Variants in TDRD1 observed in about 807,000 individuals in gnomAD.
The protein encoded by TDRD1 is tudor domain-containing protein 1.
A neutral mutation model predicts 140.6 loss-of-function variants in TDRD1; 37 were observed. That is an observed-to-expected ratio of 0.26 (90% confidence interval 0.20 to 0.35). The LOEUF (loss-of-function observed/expected upper bound fraction) is 0.35. Among genes scored for constraint, TDRD1 ranks in the 10% least tolerant of loss-of-function variants. TDRD1 has a pLI of 1.00. For synonymous variants in TDRD1, 506 were observed against 475.7 expected (o/e 1.06, Z -0.83); for missense variants, 1,243 against 1,393.0 (o/e 0.89, Z 1.71).
At chr10:114,184,176 T>TC (rs1248227668) in intron 1 of TDRD1, among the ~76,000 whole-genome samples, 3 of 152,116 alleles carry the variant, frequency 2.0e-5, no homozygotes, top group Non-Finnish European at 2.9e-5. Context: ...TTGAATTTTT[T>TC]TTTTTTTTAC....
intron 21 of TDRD1, among the ~76,000 whole-genome samples, chr10:114,224,258 T>C (rs1297506010): frequency 6.6e-6 from 1 of 152,214 alleles, no homozygotes; most frequent in Non-Finnish European, 1.5e-5. Context: ...TTTTATTGTG[T>C]TTTAGCTATT....
At chr10:114,225,308 ACT>A (rs2036370543) in intron 21 of TDRD1, among the ~76,000 whole-genome samples, 1 of 152,046 alleles carries the variant, frequency 6.6e-6, no homozygotes, top group South Asian at 2.1e-4. Flanking sequence ...TTTGCAAGTA[ACT>A]CTGCTTCCTT....
intron 6 of TDRD1, among the ~76,000 whole-genome samples, chr10:114,202,674 C>T (rs538090427): frequency 5.3e-5 from 8 of 152,282 alleles, no homozygotes; most frequent in South Asian, 4.1e-4. Context: ...AAACATCCGT[C>T]GTGTCCAACT....
intron 22 of TDRD1, 37 bp from the exon 23 acceptor site, chr10:114,227,033 TAA>T: frequency 9.5e-7 from 1 of 1,054,764 alleles, no homozygotes; most frequent in Non-Finnish European, 1.4e-6. Context: ...TCTGTCTTTT[TAA>T]AAGGGACTAA....
chr10:114,182,036 A>G (rs1336201772), intron 1 of TDRD1, among the ~76,000 whole-genome samples: 2 of 152,178 alleles, frequency 1.3e-5, no homozygotes, highest in Non-Finnish European at 2.9e-5. Flanking sequence ...TTTTATCTGG[A>G]TTCACAGTAG....
At chr10:114,226,287 C>CT in intron 22 of TDRD1, 71 bp downstream of exon 22, 1 of 1,108,326 alleles carries the variant, frequency 9.0e-7, no homozygotes, top group Non-Finnish European at 1.3e-6. Flanking sequence ...TTTCATAGCT[C>CT]TAAGTCGGAA....
At chr10:114,229,330 CTG>C (rs2036620310) in intron 25 of TDRD1, among the ~76,000 whole-genome samples, 1 of 152,180 alleles carries the variant, frequency 6.6e-6, no homozygotes, top group Non-Finnish European at 1.5e-5. Flanking sequence ...CAACTGCCAA[CTG>C]TGTTAAAACA....
intron 11 of TDRD1, among the ~76,000 whole-genome samples, chr10:114,207,937 G>A (rs533017246): frequency 9.2e-5 from 14 of 152,160 alleles, no homozygotes; most frequent in African/African-American, 2.9e-4. Flanking sequence ...AATTAGGTGT[G>A]ATAGAGAAGT....
chr10:114,224,578 T>C (rs1455709770), intron 21 of TDRD1, among the ~76,000 whole-genome samples: 1 of 152,224 alleles, frequency 6.6e-6, no homozygotes, highest in Non-Finnish European at 1.5e-5. Flanking sequence ...TCTTCTCTCT[T>C]TCATCTTTTT....
intron 25 of TDRD1, among the ~76,000 whole-genome samples, chr10:114,230,834 A>C (rs6585267): frequency 0.99 from 151,282 of 152,260 alleles, 75,155 homozygotes; most frequent in Middle Eastern, 1. Context: ...GAGGCTGAGG[A>C]GGGCAGGTCA....
intron 4 of TDRD1, among the ~76,000 whole-genome samples, chr10:114,199,823 A>G (rs1011073679): frequency 3.3e-5 from 5 of 152,172 alleles, no homozygotes; most frequent in African/African-American, 1.2e-4. Context: ...ATAGTATCTC[A>G]TTGTATGGTT....
At chr10:114,222,724 A>G in intron 21 of TDRD1, 21 bp downstream of exon 21, 3 of 1,339,464 alleles carry the variant, frequency 2.2e-6, no homozygotes, top group East Asian at 4.6e-5. Flanking sequence ...TTTAGGGAAA[A>G]TATTTGAGGG....
At chr10:114,184,167 T>C (rs1342049298) in intron 1 of TDRD1, among the ~76,000 whole-genome samples, 1 of 143,492 alleles carries the variant, frequency 7.0e-6, no homozygotes, top group African/African-American at 2.8e-5. Flanking sequence ...TATTTCAATT[T>C]GAATTTTTTT....
chr10:114,195,283 T>C (rs1349486426), intron 3 of TDRD1, among the ~76,000 whole-genome samples: 1 of 152,200 alleles, frequency 6.6e-6, no homozygotes, highest in Non-Finnish European at 1.5e-5. Context: ...GTATACATTC[T>C]CTTGGCACTT....
exon 2 of TDRD1, chr10:114,187,968 C>T (rs528495257): frequency 2.0e-5 from 32 of 1,614,190 alleles, no homozygotes; most frequent in Non-Finnish European, 2.5e-5. Flanking sequence ...AGTCCTGGAA[C>T]ACTTCCTAAC....
intron 25 of TDRD1, among the ~76,000 whole-genome samples, chr10:114,229,246 T>A (rs1035868758): frequency 3.3e-5 from 5 of 152,250 alleles, no homozygotes; most frequent in African/African-American, 1.2e-4. Flanking sequence ...TTAAACTGTT[T>A]GGAAATAGTT....
chr10:114,206,220 C>T, intron 10 of TDRD1, 24 bp from the exon 11 acceptor site: 1 of 1,531,376 alleles, frequency 6.5e-7, no homozygotes, highest in Non-Finnish European at 9.0e-7. Flanking sequence ...TCAATGGAGG[C>T]ATATTTTCTT....
At chr10:114,225,558 TAAA>T (rs71303583) in intron 21 of TDRD1, among the ~76,000 whole-genome samples, 4 of 147,026 alleles carry the variant, frequency 2.7e-5, no homozygotes, top group African/African-American at 7.5e-5. Flanking sequence ...TCTACGCATT[TAAA>T]AAAAAAAAAA....
intron 1 of TDRD1, among the ~76,000 whole-genome samples, chr10:114,180,811 G>A (rs571228526): frequency 3.9e-5 from 6 of 152,166 alleles, no homozygotes; most frequent in Non-Finnish European, 8.8e-5. Flanking sequence ...CAGAATACAT[G>A]GGGTTGCCAG....
Sources: allele counts gnomAD v4.1 joint callset (sites outside exome capture counted in the v4.1 genomes callset), GRCh38; gene constraint gnomAD v4.1.1; transcripts MANE v1.5; gene names NCBI Gene and HGNC (gene_info 2026-07-23, HGNC 2026-07-21).